Variants in PXK observed in about 807,000 individuals in gnomAD.
PXK encodes the protein PX domain-containing protein kinase-like protein.
A neutral mutation model predicts 84.7 loss-of-function variants in PXK; 35 were observed. The ratio of observed to expected loss-of-function variants is 0.41; its 90% CI spans 0.32 to 0.55. PXK has a LOEUF of 0.55. PXK is among the 20% of genes least tolerant of loss of function. The pLI, the probability that PXK is intolerant of heterozygous loss-of-function variation, is 0.21. For missense variants in PXK, 634 were observed against 699.7 expected (o/e 0.91, Z 1.06); for synonymous variants, 253 against 260.8 (o/e 0.97, Z 0.29).
At chr3:58,347,181 C>T (rs2097840886) in intron 1 of PXK, among the ~76,000 whole-genome samples, 1 of 151,980 alleles carries the variant, frequency 6.6e-6, no homozygotes. Flanking sequence ...CTATGTTGTC[C>T]CGGCTGGTCT....
At chr3:58,420,888 C>T (rs142507225) in intron 17 of PXK, 1 of 1,155,488 alleles carries the variant, frequency 8.7e-7, no homozygotes, top group East Asian at 5.8e-5. Context: ...CCATAACTCT[C>T]AAAGTCCCGT....
chr3:58,348,739 A>G (rs1235930220), intron 1 of PXK, among the ~76,000 whole-genome samples: 1 of 151,052 alleles, frequency 6.6e-6, no homozygotes, highest in African/African-American at 2.4e-5. Flanking sequence ...AGCAAGATCT[A>G]GTCTCTACAA....
intron 1 of PXK, among the ~76,000 whole-genome samples, chr3:58,354,775 G>C (rs190884495): frequency 5.1e-4 from 78 of 152,080 alleles, no homozygotes; most frequent in African/African-American, 1.6e-3. Flanking sequence ...TTAGAACAAT[G>C]GTTCTCACCC....
intron 1 of PXK, among the ~76,000 whole-genome samples, chr3:58,343,488 C>G (rs1173587767): frequency 6.6e-6 from 1 of 152,220 alleles, no homozygotes; most frequent in Non-Finnish European, 1.5e-5. Context: ...CAAGCTCCCA[C>G]TCTTTGGTGA....
At position 58,403,795 on chromosome 3, in the gene PXK, G is replaced by A; in HGVS notation, c.1182-67G>A. 6.5e-6 allele frequency: 7 copies of A among 1,068,868 alleles called. No individual in the cohort carries two copies. In the Middle Eastern group the frequency reaches 1.0e-3, roughly 159 times the overall value. The allele number at this position is 1,068,868 out of a possible 1,614,324, so 66.2% of individuals were successfully genotyped here. ...TCATGGGCTAAAGGTGTCTTAATCT[G>A]CTTTCATCCTAGTCTGAGAGTGCAC... On this transcript the variant is annotated intron_variant, in intron 12 of 17. Transcript: ENST00000356151.
intron 1 of PXK, among the ~76,000 whole-genome samples, chr3:58,363,436 C>T (rs1048921478): frequency 3.3e-5 from 5 of 152,162 alleles, no homozygotes; most frequent in Non-Finnish European, 7.3e-5. Context: ...TCAAGCATTC[C>T]CTCTGCCTCC....
rs1447640256 is a variant in PXK at position 58,400,329 on chromosome 3, C to T, written c.1181+952C>T. Among the ~76,000 whole-genome samples the T allele has an allele frequency of 6.6e-6, 1 of 152,076 alleles. No individual in the cohort carries two copies. The highest frequency in any genetic ancestry group is 1.5e-5 in the Non-Finnish European group (1 of 68,012). ...CCATGCAGTGTATCTGGTGCTTTGT[C>T]TGCACCAGCGTATTATATAACAGAT... On this transcript the variant is annotated intron_variant, in intron 12 of 17. Transcript: ENST00000356151. The surrounding 1 kb of genome is among the most constrained non-coding windows in gnomAD (Gnocchi z 4.0).
Position 58,416,354 on chromosome 3 carries a change from C to G in PXK, c.1528+3391C>G, listed in dbSNP as rs1402819528. On this transcript the variant is annotated intron_variant, in intron 17 of 17. Coordinates refer to ENST00000356151, the MANE Select transcript of PXK (RefSeq NM_017771.5). This position sits in a 1 kb window ranked among gnomAD's most constrained non-coding sequence, Gnocchi z 4.8. ...TCTTAAAGGAACATTTGGATTTTCC[C>G]TTATTTCCATGCCTTGAGGTTTACA... Among the ~76,000 whole-genome samples the G allele has an allele frequency of 1.3e-5, 2 of 152,160 alleles. No individual in the cohort carries two copies. Among genetic ancestry groups the G allele is most frequent in the Non-Finnish European group, 2.9e-5 (2 of 68,030 alleles).
At chr3:58,410,767 T>C (rs186900356) in intron 16 of PXK, among the ~76,000 whole-genome samples, 1 of 152,288 alleles carries the variant, frequency 6.6e-6, no homozygotes, top group East Asian at 1.9e-4. Flanking sequence ...GTTTTTCTAA[T>C]TTATGAATCT....
chr3:58,375,746 A>G (rs933180923), intron 3 of PXK, among the ~76,000 whole-genome samples: 1 of 152,140 alleles, frequency 6.6e-6, no homozygotes, highest in Non-Finnish European at 1.5e-5. Context: ...GCACCCTGAC[A>G]TGGGATGGGT....
intron 1 of PXK, among the ~76,000 whole-genome samples, chr3:58,344,027 T>C (rs2097777537): frequency 6.6e-6 from 1 of 152,118 alleles, no homozygotes; most frequent in South Asian, 2.1e-4. Flanking sequence ...CACACACAGG[T>C]AAAACTGTAT....
rs772704113 is a variant in PXK at position 58,390,176 on chromosome 3, TCAAAAAA to T, written c.389-393_389-387del. On this transcript the variant is annotated intron_variant, in intron 4 of 17. Transcript: ENST00000356151. This position sits in a 1 kb window ranked among gnomAD's most constrained non-coding sequence, Gnocchi z 4.2. ...CTGGGCAACAGAGTGAGACCCTATC[TCAAAAAA>T]CAAAAAACAAAACTAAACAAAAGAA... is the stretch of plus-strand genomic sequence containing the variant. Among the ~76,000 whole-genome samples the T allele has an allele frequency of 2.8e-4, 42 of 152,074 alleles. No homozygotes were observed. In the South Asian group the frequency reaches 3.7e-3, roughly 14 times the overall value.
At position 58,370,993 on chromosome 3, in the gene PXK, C is replaced by CT. The variant is rs1401606567; in HGVS notation, c.201+1516dup. On this transcript the variant is annotated intron_variant, in intron 3 of 17. Coordinates refer to ENST00000356151, the MANE Select transcript of PXK (RefSeq NM_017771.5). This position sits in a 1 kb window ranked among gnomAD's most constrained non-coding sequence, Gnocchi z 4.2. Reference sequence around the variant, plus strand: ...GCATCCTGGGCAATAGAGCAAGACTCTGTCTCAAAAAACAAACAAACAAAA... The same window carrying CT: ...GCATCCTGGGCAATAGAGCAAGACTCTTGTCTCAAAAAACAAACAAACAAAA... Among the ~76,000 whole-genome samples, 1 of 152,166 alleles carries CT rather than the reference C, an allele frequency of 6.6e-6. No homozygotes were observed. Among genetic ancestry groups the CT allele is most frequent in the Non-Finnish European group, 1.5e-5 (1 of 68,034 alleles).
intron 13 of PXK, among the ~76,000 whole-genome samples, chr3:58,405,205 G>A (rs1219667900): frequency 2.0e-5 from 3 of 152,164 alleles, no homozygotes; most frequent in African/African-American, 7.2e-5. Context: ...GTAGGTGGGA[G>A]ACTTCACTGT....
chr3:58,402,261 CCTCT>C (rs1314797983), intron 12 of PXK, among the ~76,000 whole-genome samples: 1 of 140,502 alleles, frequency 7.1e-6, no homozygotes, highest in East Asian at 2.3e-4. Context: ...TCCCCCTCCC[CCTCT>C]CTCTCCCCCC....
intron 1 of PXK, among the ~76,000 whole-genome samples, chr3:58,359,599 G>A (rs1230578588): frequency 6.6e-6 from 1 of 151,402 alleles, no homozygotes; most frequent in East Asian, 1.9e-4. Flanking sequence ...AGTGATTTTT[G>A]TGATTTAACA....
intron 12 of PXK, among the ~76,000 whole-genome samples, chr3:58,402,565 A>G (rs1331664915): frequency 6.7e-6 from 1 of 149,926 alleles, no homozygotes; most frequent in Non-Finnish European, 1.5e-5. Flanking sequence ...GAGTAGCTGG[A>G]ACTACAGGTG....
At position 58,370,278 on chromosome 3, in the gene PXK, T is replaced by C. The variant is rs2098345875; in HGVS notation, c.201+800T>C. On this transcript the variant is annotated intron_variant, in intron 3 of 17. Coordinates refer to ENST00000356151, the MANE Select transcript of PXK (RefSeq NM_017771.5). The surrounding 1 kb of genome is among the most constrained non-coding windows in gnomAD (Gnocchi z 4.2). ...TTAAATGTTCCTAACTTGAGGGCCATAATGGGAAGAAGCATGAGCTGGAAG... is the reference window on the plus strand; with the variant it reads ...TTAAATGTTCCTAACTTGAGGGCCACAATGGGAAGAAGCATGAGCTGGAAG... Among the ~76,000 whole-genome samples, 1 of 152,188 alleles carries C rather than the reference T, an allele frequency of 6.6e-6. No individual in the cohort carries two copies. The highest frequency in any genetic ancestry group is 1.9e-4 in the East Asian group (1 of 5,188).
chr3:58,397,064 G>A lies in PXK; in HGVS notation c.848G>A (p.Gly283Glu). The change falls in exon 10 of 18, where the codon GGA becomes GAA. Residue 283 changes from glycine (G) to glutamate (E), a missense_variant. This residue lies in a region of PXK where 353 missense variants were observed against 385.2 expected (regional missense o/e 0.92). Coordinates refer to ENST00000356151, the MANE Select transcript of PXK (RefSeq NM_017771.5). The surrounding 1 kb of genome is among the most constrained non-coding windows in gnomAD (Gnocchi z 4.7). Reference sequence around the variant, plus strand: ...GTACTGAAGTTTCTTCATGACAAGGGATTCCCTTATGGGCATCTTCACGCC... The same window carrying A: ...GTACTGAAGTTTCTTCATGACAAGGAATTCCCTTATGGGCATCTTCACGCC... The part of the protein sequence containing the change: ...LEVLKFLHDK[G>E]FPYGHLHASN... 6.2e-7 allele frequency: 1 copy of A among 1,614,120 alleles called. No homozygotes were observed. Among genetic ancestry groups the A allele is most frequent in the Non-Finnish European group, 8.5e-7 (1 of 1,179,992 alleles).
Sources: gnomAD v4.1 joint callset for allele counts (sites outside exome capture counted in the v4.1 genomes callset) on GRCh38, gnomAD v4.1.1 for gene constraint, gnomAD v4.1.1 regional missense constraint, Gnocchi (gnomAD v3.1) non-coding constraint, MANE v1.5 for transcripts, NCBI Gene and HGNC (gene_info 2026-07-23, HGNC 2026-07-21) for gene names.